The following CNTNAP3B variants were observed in gnomAD, a reference collection of about 807,000 sequenced individuals.
CNTNAP3B encodes contactin-associated protein-like 3B.
In CNTNAP3B, 25 loss-of-function variants were observed where a neutral mutation model predicts 108.9. The observed-to-expected ratio is 0.23, with a 90% CI of 0.17 to 0.32. The LOEUF (loss-of-function observed/expected upper bound fraction) is 0.32. Among genes scored for constraint, CNTNAP3B ranks in the 10% least tolerant of loss-of-function variants. CNTNAP3B has a pLI of 1.00. For missense variants in CNTNAP3B, 252 were observed against 1,210.4 expected (o/e 0.21, Z 11.75); for synonymous variants, 103 against 473.4 (o/e 0.22, Z 10.16).
At chr9:41,981,807 C>T (rs1280611684) in intron 9 of CNTNAP3B, among the ~76,000 whole-genome samples, 1 of 58,772 alleles carries the variant, frequency 1.7e-5, no homozygotes, top group South Asian at 5.7e-4. Flanking sequence ...AATCCCAACA[C>T]TTTGGGAGGG....
intron 7 of CNTNAP3B, chr9:41,994,606 T>A: frequency 2.0e-6 from 1 of 495,796 alleles, no homozygotes; most frequent in South Asian, 1.7e-5. Flanking sequence ...AACTTAGACT[T>A]CAAACCCAAC....
chr9:41,959,010 G>A (rs564752754), intron 12 of CNTNAP3B, among the ~76,000 whole-genome samples: 4 of 140,324 alleles, frequency 2.9e-5, no homozygotes, highest in Non-Finnish European at 6.1e-5. Context: ...ATTAAGTTTA[G>A]GTTTTCCTAC....
intron 13 of CNTNAP3B, among the ~76,000 whole-genome samples, chr9:41,943,672 C>G (rs550039127): frequency 6.8e-6 from 1 of 147,630 alleles, no homozygotes; most frequent in African/African-American, 2.6e-5. Context: ...TAAATTCAAA[C>G]GGTGTAACCT....
At chr9:41,961,382 CT>C (rs1433587531) in intron 11 of CNTNAP3B, among the ~76,000 whole-genome samples, 4 of 152,294 alleles carry the variant, frequency 2.6e-5, no homozygotes, top group African/African-American at 9.6e-5. Context: ...GAGAGGAAAA[CT>C]TTGTGAATCT....
chr9:41,940,899 G>A (rs1824321673), intron 13 of CNTNAP3B, among the ~76,000 whole-genome samples: 1 of 152,294 alleles, frequency 6.6e-6, no homozygotes, highest in South Asian at 2.1e-4. Flanking sequence ...CCTAAAGAAT[G>A]GCTAAAGGAG....
At chr9:42,044,650 A>G (rs1826831927) in intron 3 of CNTNAP3B, among the ~76,000 whole-genome samples, 1 of 146,292 alleles carries the variant, frequency 6.8e-6, no homozygotes, top group Non-Finnish European at 1.5e-5. Context: ...AGAAATTCAG[A>G]TCGGTGAATG....
intron 1 of CNTNAP3B, among the ~76,000 whole-genome samples, chr9:42,117,976 G>A: frequency 7.4e-6 from 1 of 135,954 alleles, no homozygotes; most frequent in South Asian, 2.4e-4. Context: ...ACTAAACCAG[G>A]AAAAAGTTGA....
At chr9:42,019,633 C>A (rs1264957706) in intron 3 of CNTNAP3B, among the ~76,000 whole-genome samples, 1 of 149,358 alleles carries the variant, frequency 6.7e-6, no homozygotes. Context: ...TGGTGGCGTG[C>A]CCCTGTAGTC....
chr9:42,089,738 A>T (rs1163261238), intron 2 of CNTNAP3B, among the ~76,000 whole-genome samples: 1 of 147,412 alleles, frequency 6.8e-6, no homozygotes, highest in East Asian at 2.0e-4. Context: ...GTGGAGAAAT[A>T]TGAGGAGTGG....
chr9:41,949,929 C>T (rs575006621), intron 13 of CNTNAP3B, among the ~76,000 whole-genome samples: 11 of 152,190 alleles, frequency 7.2e-5, no homozygotes, highest in South Asian at 2.1e-4. Context: ...AGTTAAGAGT[C>T]GATGAATAGG....
chr9:41,990,682 C>T (rs966154930), intron 8 of CNTNAP3B, among the ~76,000 whole-genome samples: 1 of 133,244 alleles, frequency 7.5e-6, no homozygotes, highest in Non-Finnish European at 1.6e-5. Flanking sequence ...TTTTTTAAAG[C>T]CCCCATTTAG....
intron 3 of CNTNAP3B, among the ~76,000 whole-genome samples, chr9:42,062,490 T>C (rs1451732740): frequency 1.2e-5 from 1 of 81,292 alleles, no homozygotes; most frequent in African/African-American, 5.2e-5. Context: ...TTTCAGTCTA[T>C]GTGTGTCCTT....
At chr9:41,926,422 GA>G (rs368608220) in intron 15 of CNTNAP3B, among the ~76,000 whole-genome samples, 2,663 of 151,322 alleles carry the variant, frequency 0.018, no homozygotes, top group South Asian at 0.034. Flanking sequence ...AAGTTTTACA[GA>G]AGAGAATATT....
chr9:41,961,170 T>C (rs1825078724), intron 11 of CNTNAP3B, among the ~76,000 whole-genome samples: 1 of 152,308 alleles, frequency 6.6e-6, no homozygotes, highest in Admixed American at 6.5e-5. Flanking sequence ...ACAGTGTATT[T>C]CTATTTTGAG....
intron 14 of CNTNAP3B, among the ~76,000 whole-genome samples, chr9:41,932,230 T>G (rs1176784096): frequency 6.6e-6 from 1 of 152,024 alleles, no homozygotes; most frequent in African/African-American, 2.4e-5. Context: ...CACTTGGAAA[T>G]AGTGCTTTCA....
At chr9:42,028,719 G>A (rs938792250) in intron 3 of CNTNAP3B, among the ~76,000 whole-genome samples, 12 of 150,140 alleles carry the variant, frequency 8.0e-5, no homozygotes, top group African/African-American at 2.2e-4. Flanking sequence ...ACGTTAATAA[G>A]GGAAATATGT....
At chr9:41,948,559 ATC>A (rs1824596075) in intron 13 of CNTNAP3B, among the ~76,000 whole-genome samples, 2 of 150,652 alleles carry the variant, frequency 1.3e-5, no homozygotes, top group Non-Finnish European at 3.0e-5. Context: ...ACATATCAAT[ATC>A]TCTTATGAAT....
chr9:42,098,076 A>G lies in CNTNAP3B; in HGVS notation c.196+6553T>C, dbSNP rs1827946621. ...GATTTTTTTCCACAAATAAACATTC[A>G]TACATATTATTTTGTATTCATATAC... On this transcript the variant is annotated intron_variant, in intron 2 of 23. Coordinates refer to ENST00000377561, the MANE Select transcript of CNTNAP3B (RefSeq NM_001201380.3). Among the ~76,000 whole-genome samples, 2 of 139,626 alleles carry G rather than the reference A, an allele frequency of 1.4e-5. 1 individual carries two copies. Among genetic ancestry groups the G allele is most frequent in the Admixed American group, 1.4e-4 (2 of 14,082 alleles). The allele number at this position is 139,626 out of a possible 152,430, so 91.6% of individuals were successfully genotyped here.
intron 17 of CNTNAP3B, among the ~76,000 whole-genome samples, chr9:41,921,422 C>T: frequency 6.6e-6 from 1 of 151,542 alleles, no homozygotes; most frequent in East Asian, 1.9e-4. Flanking sequence ...TCCACATCCA[C>T]ATACATACGT....
Sources: allele counts gnomAD v4.1 joint callset (sites outside exome capture counted in the v4.1 genomes callset), GRCh38; gene constraint gnomAD v4.1.1; transcripts MANE v1.5; gene names NCBI Gene and HGNC (gene_info 2026-07-23, HGNC 2026-07-21).